The following ATP13A5 variants were observed in gnomAD, a reference collection of about 807,000 sequenced individuals.
ATP13A5 encodes the protein probable cation-transporting ATPase 13A5.
A neutral mutation model predicts 150.2 loss-of-function variants in ATP13A5; 149 were observed. The ratio of observed to expected loss-of-function variants is 0.99; its 90% CI spans 0.87 to 1.14. ATP13A5 has a LOEUF of 1.14. Ranked by LOEUF, ATP13A5 falls within the 50% of genes most tolerant of loss-of-function variation. The probability of loss-of-function intolerance (pLI) is 0.00; values close to 1 mark genes in which losing one functional copy is unlikely to be tolerated. For missense variants in ATP13A5, 1,383 were observed against 1,449.3 expected, an observed-to-expected ratio of 0.95 and a Z score of 0.74; for synonymous variants, 497 against 522.2, an observed-to-expected ratio of 0.95 and a Z score of 0.66.
At chr3:193,307,020 T>A in intron 22 of ATP13A5, 2 of 779,748 alleles carry the variant, frequency 2.6e-6, no homozygotes, top group Non-Finnish European at 3.1e-6. Flanking sequence ...ATTTCATTAC[T>A]GATAACAGGA....
intron 7 of ATP13A5, 129 bp downstream of exon 7, chr3:193,350,938 G>GT (rs1712539380): frequency 9.7e-7 from 1 of 1,031,490 alleles, no homozygotes; most frequent in African/African-American, 1.6e-5. Flanking sequence ...CCCATATTTG[G>GT]TAAGCCCTCA....
At chr3:193,360,685 A>T (rs1299047038) in intron 5 of ATP13A5, among the ~76,000 whole-genome samples, 2 of 150,940 alleles carry the variant, frequency 1.3e-5, no homozygotes, top group Non-Finnish European at 3.0e-5. Context: ...TGTGGATCAG[A>T]TTTTTTTTTG....
In ATP13A5 at chr3:193,321,860, G is replaced by T. The variant is rs757603429; in HGVS notation, c.1759-23C>A. 3.7e-6 allele frequency: 6 copies of T among 1,608,798 alleles called. No individual in the cohort carries two copies. The South Asian group carries it at 6.6e-5, about 18-fold the overall frequency. On this transcript the variant is annotated intron_variant, in intron 15 of 29. Coordinates refer to ENST00000342358, the MANE Select transcript of ATP13A5 (RefSeq NM_198505.4). Reference sequence around the variant, plus strand: ...ACTCTGCAAGCCCATCAACAACAGGGAGCTTAACAAGCTGCTAAGTGATAT... The same window carrying T: ...ACTCTGCAAGCCCATCAACAACAGGTAGCTTAACAAGCTGCTAAGTGATAT...
chr3:193,317,221 T>C (rs1192263395), intron 17 of ATP13A5, among the ~76,000 whole-genome samples: 1 of 152,218 alleles, frequency 6.6e-6, no homozygotes, highest in African/African-American at 2.4e-5. Context: ...GTTAAAATGT[T>C]GCTCCTCTGA....
At chr3:193,377,536 A>G (rs1363218777) in intron 1 of ATP13A5, among the ~76,000 whole-genome samples, 1 of 152,218 alleles carries the variant, frequency 6.6e-6, no homozygotes, top group Non-Finnish European at 1.5e-5. Context: ...TTTTGTGTGG[A>G]CTAGCTACTT....
At chr3:193,321,609 G>T in intron 16 of ATP13A5, 72 bp downstream of exon 16, 1 of 1,532,658 alleles carries the variant, frequency 6.5e-7, no homozygotes, top group Non-Finnish European at 8.9e-7. Flanking sequence ...CCAGCCTTGG[G>T]GACAGAGCAA....
chr3:193,325,069 C>A, intron 13 of ATP13A5, 55 bp from the exon 14 acceptor site: 1 of 1,551,330 alleles, frequency 6.4e-7, no homozygotes, highest in Non-Finnish European at 8.8e-7. Context: ...CACATTCTGT[C>A]CCTTAAATCT....
In ATP13A5 at chr3:193,275,265, A is replaced by C; in HGVS notation, c.3434T>G (p.Ile1145Ser). 1 of 1,613,948 alleles carries C rather than the reference A, an allele frequency of 6.2e-7. No individual in the cohort carries two copies. The highest frequency in any genetic ancestry group is 1.3e-5 in the African/African-American group (1 of 75,028). The change falls in exon 30 of 30, where the codon ATC becomes AGC. Residue 1145 changes from isoleucine to serine, a missense_variant. Around this residue, in one of 3 missense-constraint regions of ATP13A5, gnomAD observed 568 missense variants for 621.5 expected, o/e 0.91. Transcript: ENST00000342358. ...ILQNHELWLL[I>S]KREFGFYSKS... ...AGAGTAGAATCCAAATTCTCTTTTG[A>C]TCAACAGCCAGAGTTCATGATTTTG...
At chr3:193,331,341 A>G (rs375693995) in intron 11 of ATP13A5, 30 bp from the exon 12 acceptor site, 6 of 1,597,328 alleles carry the variant, frequency 3.8e-6, no homozygotes, top group Middle Eastern at 2.2e-4. Flanking sequence ...TTCATACAGG[A>G]TAGCCCAGCA....
chr3:193,370,879 T>A (rs1713415363), intron 1 of ATP13A5, among the ~76,000 whole-genome samples: 1 of 152,166 alleles, frequency 6.6e-6, no homozygotes, highest in South Asian at 2.1e-4. Flanking sequence ...AATCATTCAG[T>A]CTGGAGTAAG....
At chr3:193,283,087 CAA>C (rs1717570124) in intron 27 of ATP13A5, among the ~76,000 whole-genome samples, 2 of 151,886 alleles carry the variant, frequency 1.3e-5, no homozygotes, top group Admixed American at 6.6e-5. Flanking sequence ...CACATACAAA[CAA>C]TGCATAATAT....
intron 17 of ATP13A5, among the ~76,000 whole-genome samples, chr3:193,318,118 A>G (rs760670660): frequency 2.0e-5 from 3 of 152,234 alleles, no homozygotes; most frequent in Non-Finnish European, 4.4e-5. Context: ...AGATCATCCA[A>G]TTGCATATTT....
At chr3:193,336,392 C>T (rs994710247) in intron 9 of ATP13A5, among the ~76,000 whole-genome samples, 1 of 152,142 alleles carries the variant, frequency 6.6e-6, no homozygotes, top group Non-Finnish European at 1.5e-5. Flanking sequence ...CCCCACTCCC[C>T]CCACCTCACG....
intron 1 of ATP13A5, among the ~76,000 whole-genome samples, chr3:193,377,903 G>T (rs1713698567): frequency 1.3e-5 from 2 of 152,304 alleles, no homozygotes; most frequent in Admixed American, 1.3e-4. Flanking sequence ...TCCCTTGCAG[G>T]CTAATGACCT....
chr3:193,303,150 C>G (rs7644587), intron 23 of ATP13A5, among the ~76,000 whole-genome samples: 55,121 of 151,944 alleles, frequency 0.36, 10,403 homozygotes, highest in East Asian at 0.62. Flanking sequence ...CACCACAATT[C>G]TCATCTGAGA....
chr3:193,315,037 T>A lies in ATP13A5; in HGVS notation c.2093A>T (p.Lys698Ile). 6.2e-7 allele frequency: 1 copy of A among 1,613,920 alleles called. No individual in the cohort carries two copies. Among genetic ancestry groups the A allele is most frequent in the Non-Finnish European group, 8.5e-7 (1 of 1,179,878 alleles). ...LGLLIMENRLKKETKLVLKEL... is the reference protein window; with the variant it reads ...LGLLIMENRLIKETKLVLKEL... ...CTTCAAGACCAGTTTGGTTTCTTTT[T>A]TCAAGCGATTCTCCATGATGAGAAG... is the stretch of plus-strand genomic sequence containing the variant. The change falls in exon 18 of 30, where the codon AAA (lysine) becomes ATA (isoleucine). Residue 698 changes from lysine to isoleucine, a missense_variant. Physicochemically the swap from Lys to Ile is moderately radical, Grantham distance 102. This residue lies in a region of ATP13A5 where 568 missense variants were observed against 621.5 expected (regional missense o/e 0.91). Coordinates refer to ENST00000342358, the MANE Select transcript of ATP13A5 (RefSeq NM_198505.4).
At chr3:193,305,443 C>A in intron 23 of ATP13A5, 116 bp downstream of exon 23, 1 of 860,552 alleles carries the variant, frequency 1.2e-6, no homozygotes, top group Non-Finnish European at 1.9e-6. Flanking sequence ...TCCAATAGCA[C>A]TTCACCCATT....
At chr3:193,283,924 AAT>A (rs1302676938) in intron 27 of ATP13A5, among the ~76,000 whole-genome samples, 2 of 150,850 alleles carry the variant, frequency 1.3e-5, no homozygotes, top group African/African-American at 4.9e-5. Flanking sequence ...CATAATTATT[AAT>A]AGTGTCTCAC....
chr3:193,312,651 A>G (rs554610594), intron 19 of ATP13A5: 3 of 152,302 alleles, frequency 2.0e-5, no homozygotes, highest in Admixed American at 1.3e-4. Context: ...TTTTCATGCA[A>G]CATTCCTCAG....
Sources: gnomAD v4.1 joint callset for allele counts (sites outside exome capture counted in the v4.1 genomes callset) on GRCh38, gnomAD v4.1.1 for gene constraint, gnomAD v4.1.1 regional missense constraint, MANE v1.5 for transcripts, NCBI Gene and HGNC (gene_info 2026-07-23, HGNC 2026-07-21) for gene names.